GATAD2A: variants seen among roughly 807,000 people sequenced by gnomAD.
The protein encoded by GATAD2A is GATA zinc finger domain containing 2A.
In GATAD2A, 12 loss-of-function variants were observed where a neutral mutation model predicts 68.5. The observed-to-expected ratio is 0.18, with a 90% CI of 0.11 to 0.28. The LOEUF (loss-of-function observed/expected upper bound fraction) is 0.28. Among genes scored for constraint, GATAD2A ranks in the 10% least tolerant of loss-of-function variants. GATAD2A has a pLI of 1.00. For synonymous variants in GATAD2A, 410 were observed against 375.3 expected, an observed-to-expected ratio of 1.09 and a Z score of -1.07; for missense variants, 755 against 868.5, an observed-to-expected ratio of 0.87 and a Z score of 1.64.
At chr19:19,501,071 C>T in intron 8 of GATAD2A, 47 bp from the exon 9 acceptor site, 1 of 1,554,100 alleles carries the variant, frequency 6.4e-7, no homozygotes. Flanking sequence ...AGGGCCCTGA[C>T]TGTCGTCCTG....
chr19:19,467,180 C>T (rs2057934562), intron 2 of GATAD2A, among the ~76,000 whole-genome samples: 1 of 152,162 alleles, frequency 6.6e-6, no homozygotes, highest in South Asian at 2.1e-4. Context: ...TTGAGACCAT[C>T]CTGGCTAACA....
At chr19:19,502,812 C>A (rs908297022) in intron 11 of GATAD2A, among the ~76,000 whole-genome samples, 1 of 152,260 alleles carries the variant, frequency 6.6e-6, no homozygotes, top group African/African-American at 2.4e-5. Flanking sequence ...CCCCCACAGC[C>A]ATCCATGTGG....
rs1352630145 is a variant in GATAD2A, at chr19:19,495,963, C to A, written c.756+78C>A. The A allele has an allele frequency of 4.4e-6, 7 of 1,583,538 alleles. No individual in the cohort carries two copies. The African/African-American group carries it at 6.7e-5, about 15-fold the overall frequency. On this transcript the variant is annotated intron_variant, in intron 6 of 11. Coordinates refer to ENST00000683918, the MANE Select transcript of GATAD2A (RefSeq NM_001384528.1). ...CCTTGAAAGTAGGGCCCTTCCCAGT[C>A]CTTGGGGGCAAGGTGCCCTGTGCCT...
chr19:19,422,193 A>G (rs1387356676), intron 1 of GATAD2A, among the ~76,000 whole-genome samples: 1 of 152,206 alleles, frequency 6.6e-6, no homozygotes, highest in Non-Finnish European at 1.5e-5. Flanking sequence ...CAGCATTTTC[A>G]TACTGAAGCC....
intron 1 of GATAD2A, among the ~76,000 whole-genome samples, chr19:19,460,364 G>C (rs371750451): frequency 8.7e-4 from 133 of 152,344 alleles, no homozygotes; most frequent in Middle Eastern, 3.4e-3. Context: ...TGCTGCAGCT[G>C]TGTGCCTACA....
intron 11 of GATAD2A, among the ~76,000 whole-genome samples, chr19:19,503,598 C>A (rs764992514): frequency 6.6e-6 from 1 of 151,098 alleles, no homozygotes; most frequent in Non-Finnish European, 1.5e-5. Flanking sequence ...AAGTAGAAGT[C>A]GATAAGTGTG....
chr19:19,471,209 T>G (rs1346515955), intron 2 of GATAD2A, among the ~76,000 whole-genome samples: 1 of 146,800 alleles, frequency 6.8e-6, no homozygotes. Flanking sequence ...TGAGCCGAGA[T>G]CGTGCCGCTG....
chr19:19,435,675 CCCCG>C (rs2054255591), intron 1 of GATAD2A, among the ~76,000 whole-genome samples: 3 of 152,138 alleles, frequency 2.0e-5, no homozygotes. Context: ...CATGGCAAAA[CCCCG>C]TCTCTACTAA....
chr19:19,473,835 A>C (rs1014090502), intron 2 of GATAD2A, among the ~76,000 whole-genome samples: 3 of 151,918 alleles, frequency 2.0e-5, no homozygotes, highest in Non-Finnish European at 4.4e-5. Flanking sequence ...AGTCCCAGCA[A>C]CTTGGGTGGC....
chr19:19,428,908 TG>T (rs1252107331), intron 1 of GATAD2A, among the ~76,000 whole-genome samples: 1 of 152,140 alleles, frequency 6.6e-6, no homozygotes, highest in Non-Finnish European at 1.5e-5. Context: ...CCCGAAGCTC[TG>T]GACTCACCCC....
In GATAD2A at chr19:19,502,507, G is replaced by A; in HGVS notation, c.1755G>A (p.Lys585=). 1 of 1,612,252 alleles carries A rather than the reference G, an allele frequency of 6.2e-7. No individual in the cohort carries two copies. Among genetic ancestry groups the A allele is most frequent in the East Asian group, 2.2e-5 (1 of 44,862 alleles). The change falls in exon 11 of 12, where the codon AAG becomes AAA. Residue 585 remains lysine, a synonymous_variant. Coordinates refer to ENST00000683918, the MANE Select transcript of GATAD2A (RefSeq NM_001384528.1). ...AGGGCAGCGCCACCTCCAACTGGAAGAAGACGCCCCTCAGCACAGGTGGGT... is the reference window on the plus strand; with the variant it reads ...AGGGCAGCGCCACCTCCAACTGGAAAAAGACGCCCCTCAGCACAGGTGGGT... ...AGKGSATSNW[K]KTPLSTGGTL...
chr19:19,450,602 C>G (rs546911945), intron 1 of GATAD2A, among the ~76,000 whole-genome samples: 1 of 152,030 alleles, frequency 6.6e-6, no homozygotes, highest in East Asian at 1.9e-4. Context: ...GCCCTCCTCT[C>G]ACAGGCTAGG....
intron 1 of GATAD2A, among the ~76,000 whole-genome samples, chr19:19,455,279 C>T (rs557677031): frequency 6.6e-6 from 1 of 152,114 alleles, no homozygotes; most frequent in Non-Finnish European, 1.5e-5. Context: ...TGCCTGAGTT[C>T]AGGAGTTCGA....
chr19:19,502,639 A>T (rs2060614980), intron 11 of GATAD2A, 113 bp downstream of exon 11: 7 of 796,974 alleles, frequency 8.8e-6, no homozygotes, highest in Non-Finnish European at 1.4e-5. Flanking sequence ...CCGCTTCCCA[A>T]GCTCAGCCTC....
At position 19,430,102 on chromosome 19, in the gene GATAD2A, A is replaced by G. The variant is rs566396067; in HGVS notation, c.-7+24083A>G. ...TTTGGGCCTTATGGTCTCTGTTGTTAAAGGTGGAAACAGCCATAGACAGTG... is the reference window on the plus strand; with the variant it reads ...TTTGGGCCTTATGGTCTCTGTTGTTGAAGGTGGAAACAGCCATAGACAGTG... On this transcript the variant is annotated intron_variant, in intron 1 of 11. Coordinates refer to ENST00000683918, the MANE Select transcript of GATAD2A (RefSeq NM_001384528.1). Among the ~76,000 whole-genome samples the G allele has an allele frequency of 2.0e-5, 3 of 152,244 alleles. No homozygotes were observed. The South Asian group carries it at 6.2e-4, about 32-fold the overall frequency.
At chr19:19,474,698 G>C (rs536640769) in intron 2 of GATAD2A, among the ~76,000 whole-genome samples, 2 of 152,152 alleles carry the variant, frequency 1.3e-5, no homozygotes. Context: ...ATTTCTCTTG[G>C]TAAACACTCA....
chr19:19,430,669 G>A (rs756143603), intron 1 of GATAD2A, among the ~76,000 whole-genome samples: 2 of 152,198 alleles, frequency 1.3e-5, no homozygotes, highest in Non-Finnish European at 2.9e-5. Flanking sequence ...TAGAGCCCAT[G>A]CTTCCGGATC....
At chr19:19,440,937 T>TAG (rs1486122694) in intron 1 of GATAD2A, among the ~76,000 whole-genome samples, 2 of 146,996 alleles carry the variant, frequency 1.4e-5, no homozygotes, top group African/African-American at 5.3e-5. Context: ...TTCCTTTTCT[T>TAG]CCTTCCCTTT....
In GATAD2A at chr19:19,506,436, A is replaced by C; in HGVS notation, c.*962A>C. ...TTTTTCTATTCATTTCGATGGACGC[A>C]ATCTTAAGCCACCCTGGCCTTGCTC... On this transcript the variant is annotated 3_prime_UTR_variant, in exon 12 of 12. Transcript: ENST00000683918. 3.7e-6 allele frequency: 1 copy of C among 269,240 alleles called. No individual in the cohort carries two copies. Among genetic ancestry groups the C allele is most frequent in the Admixed American group, 5.4e-5 (1 of 18,606 alleles). The allele number at this position is 269,240 out of a possible 1,614,324, so 16.7% of individuals were successfully genotyped here.
Sources: gnomAD v4.1 joint callset for allele counts (sites outside exome capture counted in the v4.1 genomes callset) on GRCh38, gnomAD v4.1.1 for gene constraint, MANE v1.5 for transcripts, NCBI Gene and HGNC (gene_info 2026-07-23, HGNC 2026-07-21) for gene names.